Variants in XNDC1N observed in about 807,000 individuals in gnomAD.
XNDC1N encodes the protein XRCC1 N-terminal domain containing 1, N-terminal like.
the XNDC1N span, among the ~76,000 whole-genome samples, chr11:71,904,927 A>G: frequency 2.6e-5 from 4 of 152,054 alleles, no homozygotes; most frequent in African/African-American, 7.2e-5. Flanking sequence ...GGACATTACG[A>G]ATAATATCAC....
At chr11:71,901,766 C>T in the XNDC1N span, among the ~76,000 whole-genome samples, 1 of 151,578 alleles carries the variant, frequency 6.6e-6, no homozygotes, top group Non-Finnish European at 1.5e-5. Context: ...CTGAGACTCA[C>T]CACTCTCATC....
the XNDC1N span, among the ~76,000 whole-genome samples, chr11:71,906,808 G>A: frequency 2.0e-5 from 3 of 152,118 alleles, no homozygotes; most frequent in Admixed American, 2.0e-4. Context: ...ATTTCACAAG[G>A]TGTGCAACAT....
the XNDC1N span, among the ~76,000 whole-genome samples, chr11:71,871,462 G>A: frequency 6.6e-6 from 1 of 152,122 alleles, no homozygotes; most frequent in African/African-American, 2.4e-5. Context: ...ATACTGCACA[G>A]CATGGTGAAT....
the XNDC1N span, among the ~76,000 whole-genome samples, chr11:71,912,801 A>G: frequency 6.6e-6 from 1 of 152,048 alleles, no homozygotes; most frequent in African/African-American, 2.4e-5. Flanking sequence ...TCTCCCCTAG[A>G]TATTAGGAAA....
chr11:71,878,462 T>C, the XNDC1N span: 5 of 1,611,722 alleles, frequency 3.1e-6, no homozygotes, highest in East Asian at 8.9e-5. Flanking sequence ...CATGAGGGTC[T>C]TGTTTTTTGT....
chr11:71,916,093 AG>A, the XNDC1N span: 1 of 703,010 alleles, frequency 1.4e-6, no homozygotes, highest in Non-Finnish European at 2.6e-6. Context: ...CACAGAGCTC[AG>A]AAGGGCTGAG....
At chr11:71,902,362 T>C in the XNDC1N span, among the ~76,000 whole-genome samples, 2 of 152,098 alleles carry the variant, frequency 1.3e-5, no homozygotes, top group Non-Finnish European at 2.9e-5. Flanking sequence ...GGGCGAAGTG[T>C]TTGTATTTTT....
chr11:71,899,520 C>G, the XNDC1N span, among the ~76,000 whole-genome samples: 1 of 151,506 alleles, frequency 6.6e-6, no homozygotes, highest in South Asian at 2.1e-4. Context: ...TTTGACCCAA[C>G]CTGAAGCTCA....
chr11:71,908,962 G>C, the XNDC1N span, among the ~76,000 whole-genome samples: 1 of 152,148 alleles, frequency 6.6e-6, no homozygotes, highest in Non-Finnish European at 1.5e-5. Context: ...TTAATGAGGG[G>C]AGCTCAGAAG....
At chr11:71,871,524 AC>A in the XNDC1N span, among the ~76,000 whole-genome samples, 2 of 152,220 alleles carry the variant, frequency 1.3e-5, no homozygotes, top group Admixed American at 1.3e-4. Context: ...ATACATTTCA[AC>A]CATTCTCAAG....
chr11:71,877,860 T>G, the XNDC1N span, among the ~76,000 whole-genome samples: 1 of 152,210 alleles, frequency 6.6e-6, no homozygotes, highest in African/African-American at 2.4e-5. Flanking sequence ...TCTTCTTTCT[T>G]TAATTCCTCT....
the XNDC1N span, among the ~76,000 whole-genome samples, chr11:71,921,835 G>T: frequency 6.6e-6 from 1 of 152,128 alleles, no homozygotes; most frequent in Non-Finnish European, 1.5e-5. Context: ...TTTGAAACTA[G>T]CTAATGTTCT....
At chr11:71,876,575 T>C in the XNDC1N span, among the ~76,000 whole-genome samples, 561 of 152,276 alleles carry the variant, frequency 3.7e-3, 4 homozygotes, top group African/African-American at 0.013. Context: ...GCAAACATAA[T>C]TGCGATTTTT....
chr11:71,923,090 C>T, the XNDC1N span, among the ~76,000 whole-genome samples: 736 of 152,342 alleles, frequency 4.8e-3, 1 homozygote, highest in Non-Finnish European at 6.4e-3. Flanking sequence ...CCTGAGGGTG[C>T]TGCTTTCTGT....
chr11:71,901,428 C>T, the XNDC1N span, among the ~76,000 whole-genome samples: 4 of 152,080 alleles, frequency 2.6e-5, no homozygotes, highest in East Asian at 7.7e-4. Flanking sequence ...GAAACCACGT[C>T]TCTACTCAAA....
the XNDC1N span, chr11:71,884,485 C>A: frequency 4.5e-5 from 73 of 1,610,282 alleles, no homozygotes; most frequent in Non-Finnish European, 5.9e-5. Flanking sequence ...GATGAACATG[C>A]AATTAGATAC....
At chr11:71,909,015 G>C in the XNDC1N span, among the ~76,000 whole-genome samples, 1 of 152,164 alleles carries the variant, frequency 6.6e-6, no homozygotes, top group African/African-American at 2.4e-5. Context: ...TCAGGGTAAA[G>C]AAGAAAGTCC....
chr11:71,923,314 A>G, the XNDC1N span: 1 of 703,000 alleles, frequency 1.4e-6, no homozygotes. Context: ...TATACCTGAG[A>G]AGAAAATGAT....
the XNDC1N span, chr11:71,916,862 T>C: frequency 6.4e-6 from 1 of 156,600 alleles, no homozygotes; most frequent in Admixed American, 6.1e-5. Context: ...TCAGATCTTA[T>C]GTTTTTCTGT....
Sources: gnomAD v4.1 joint callset for allele counts (sites outside exome capture counted in the v4.1 genomes callset) on GRCh38, gnomAD v4.1.1 for gene constraint, MANE v1.5 for transcripts, NCBI Gene and HGNC (gene_info 2026-07-23, HGNC 2026-07-21) for gene names.